Variants in SHLD1 observed in about 807,000 individuals in gnomAD.
The protein encoded by SHLD1 is shieldin complex subunit 1.
A neutral mutation model predicts 5.5 loss-of-function variants in SHLD1; 3 were observed. The observed-to-expected ratio is 0.54, with a 90% CI of 0.25 to 1.40. SHLD1 has a LOEUF of 1.40. Among genes scored for constraint, SHLD1 ranks in the 40% most tolerant of loss-of-function variants. The pLI, the probability that SHLD1 is intolerant of heterozygous loss-of-function variation, is 0.15. For missense variants in SHLD1, 210 were observed against 244.4 expected, an observed-to-expected ratio of 0.86 and a Z score of 0.94; for synonymous variants, 92 against 94.3, an observed-to-expected ratio of 0.98 and a Z score of 0.14.
chr20:5,761,747 A>G (rs1341938390), intron 1 of SHLD1, among the ~76,000 whole-genome samples: 1 of 150,926 alleles, frequency 6.6e-6, no homozygotes, highest in African/African-American at 2.4e-5. Flanking sequence ...AGCTGGGATT[A>G]CAGGTGCACG....
chr20:5,814,521 T>C (rs534574497), intron 2 of SHLD1, among the ~76,000 whole-genome samples: 82 of 152,274 alleles, frequency 5.4e-4, no homozygotes, highest in African/African-American at 1.9e-3. Flanking sequence ...ATTAATTCTT[T>C]TACATAATTC....
intron 2 of SHLD1, among the ~76,000 whole-genome samples, chr20:5,821,694 C>G (rs1043532435): frequency 1.3e-5 from 2 of 152,168 alleles, no homozygotes; most frequent in African/African-American, 4.8e-5. Context: ...GGCTCAGGGT[C>G]TGTCATGAGG....
chr20:5,847,752 G>A (rs2087949316), intron 2 of SHLD1, among the ~76,000 whole-genome samples: 1 of 152,196 alleles, frequency 6.6e-6, no homozygotes, highest in Admixed American at 6.5e-5. Context: ...GCAAAGATGT[G>A]GAGAAACAGG....
intron 1 of SHLD1, among the ~76,000 whole-genome samples, chr20:5,755,358 C>T (rs999923789): frequency 9.9e-5 from 15 of 152,068 alleles, no homozygotes; most frequent in African/African-American, 3.6e-4. Flanking sequence ...AGTGTGAACC[C>T]TATTGTGAAC....
At chr20:5,755,598 T>C (rs577012892) in intron 1 of SHLD1, among the ~76,000 whole-genome samples, 1 of 152,096 alleles carries the variant, frequency 6.6e-6, no homozygotes, top group South Asian at 2.1e-4. Flanking sequence ...TCACTCTTGT[T>C]GCCCAGGCTG....
rs1418269900 is a variant in SHLD1, at chr20:5,773,061, A to C, written c.178+18A>C. ...GGATCCAGGTAATAAGCAGAGTTTA[A>C]AACAAACTAACTTAAAAACAACTAG... is the stretch of plus-strand genomic sequence containing the variant. On this transcript the variant is annotated intron_variant, in intron 2 of 2. Coordinates refer to ENST00000303142, the MANE Select transcript of SHLD1 (RefSeq NM_152504.4). 6 of 1,613,774 alleles carry C rather than the reference A, an allele frequency of 3.7e-6. No individual in the cohort carries two copies. The Admixed American group carries it at 1.0e-4, about 27-fold the overall frequency.
In SHLD1 at chr20:5,863,132, G is replaced by A. The variant is rs773296265; in HGVS notation, c.287G>A (p.Arg96Gln). 2.5e-5 allele frequency: 40 copies of A among 1,614,026 alleles called. No homozygotes were observed. Among genetic ancestry groups the A allele is most frequent in the Middle Eastern group, 1.6e-4 (1 of 6,084 alleles). The change falls in exon 3 of 3, where the codon CGG becomes CAG. Residue 96 changes from arginine to glutamine, a missense_variant. Coordinates refer to ENST00000303142, the MANE Select transcript of SHLD1 (RefSeq NM_152504.4). ...GAGAAGGAAGAGGATGATGGCCTTC[G>A]GAAATCCCTGGATAGATTCTATGAA... Reference protein sequence around the residue: ...QSEKEEDDGLRKSLDRFYEMF... With the variant: ...QSEKEEDDGLQKSLDRFYEMF...
At chr20:5,803,517 T>C (rs1363264561) in intron 2 of SHLD1, among the ~76,000 whole-genome samples, 2 of 151,874 alleles carry the variant, frequency 1.3e-5, no homozygotes, top group Non-Finnish European at 2.9e-5. Flanking sequence ...CTCTCCCAAA[T>C]GTGGGAGCCT....
chr20:5,783,381 A>C (rs188461271), intron 2 of SHLD1, among the ~76,000 whole-genome samples: 1 of 151,824 alleles, frequency 6.6e-6, no homozygotes, highest in Non-Finnish European at 1.5e-5. Context: ...CCGCCACCAC[A>C]CCCGGCTAAT....
chr20:5,862,976 A>C (rs777564276), intron 2 of SHLD1, 48 bp from the exon 3 acceptor site: 4 of 1,496,020 alleles, frequency 2.7e-6, no homozygotes, highest in Non-Finnish European at 3.6e-6. Flanking sequence ...TTGCTTTCTG[A>C]TATTTTTGAT....
chr20:5,785,314 C>T (rs1244298956), intron 2 of SHLD1, among the ~76,000 whole-genome samples: 3 of 152,182 alleles, frequency 2.0e-5, no homozygotes, highest in African/African-American at 7.2e-5. Flanking sequence ...CAGCCACACC[C>T]AAGAAGTAAA....
chr20:5,830,906 C>G (rs1047662566), intron 2 of SHLD1, among the ~76,000 whole-genome samples: 3 of 152,158 alleles, frequency 2.0e-5, no homozygotes, highest in African/African-American at 7.2e-5. Context: ...TGTAACTCAG[C>G]TCCTCTTATT....
intron 1 of SHLD1, among the ~76,000 whole-genome samples, chr20:5,751,362 A>G (rs1416730631): frequency 1.3e-5 from 2 of 152,086 alleles, no homozygotes; most frequent in Non-Finnish European, 2.9e-5. Context: ...GCTGGAGTAT[A>G]GTGGCACGAT....
intron 2 of SHLD1, among the ~76,000 whole-genome samples, chr20:5,812,864 C>CTTTTTA (rs1225117134): frequency 2.6e-5 from 4 of 151,894 alleles, no homozygotes; most frequent in African/African-American, 4.8e-5. Context: ...CTTTAAGGGG[C>CTTTTTA]TTTTTATTTT....
chr20:5,771,099 T>C (rs1476239685), intron 1 of SHLD1, among the ~76,000 whole-genome samples: 1 of 152,206 alleles, frequency 6.6e-6, no homozygotes, highest in Admixed American at 6.5e-5. Context: ...GGTTCTTTGC[T>C]CTGTACACTA....
Position 5,782,083 on chromosome 20 carries a change from C to T in SHLD1, c.178+9040C>T, listed in dbSNP as rs542220288. Among the ~76,000 whole-genome samples the T allele has an allele frequency of 7.9e-5, 12 of 152,286 alleles. No individual in the cohort carries two copies. In the South Asian group the frequency reaches 2.1e-3, roughly 26 times the overall value. ...CCCTCTCTGGAATGTGCCCCCTCCTCCCTGGTCAACTCCAGTCCACTCCAG... is the reference window on the plus strand; with the variant it reads ...CCCTCTCTGGAATGTGCCCCCTCCTTCCTGGTCAACTCCAGTCCACTCCAG... On this transcript the variant is annotated intron_variant, in intron 2 of 2. Coordinates refer to ENST00000303142, the MANE Select transcript of SHLD1 (RefSeq NM_152504.4).
intron 2 of SHLD1, among the ~76,000 whole-genome samples, chr20:5,792,955 A>G (rs6053704): frequency 0.29 from 44,545 of 151,450 alleles, 6,498 homozygotes; most frequent in Middle Eastern, 0.35. Context: ...GATCACAGGC[A>G]TGAGCCACCA....
chr20:5,807,190 A>T (rs984970357), intron 2 of SHLD1, among the ~76,000 whole-genome samples: 1 of 150,902 alleles, frequency 6.6e-6, no homozygotes, highest in African/African-American at 2.5e-5. Context: ...CATCCTAATT[A>T]AAAAAATAAA....
In SHLD1 at chr20:5,778,114, C is replaced by CTTTT. The variant is rs776358532; in HGVS notation, c.178+5088_178+5091dup. Among the ~76,000 whole-genome samples the CTTTT allele has an allele frequency of 4.2e-4, 47 of 111,928 alleles. 1 individual carries two copies. Among genetic ancestry groups the CTTTT allele is most frequent in the Non-Finnish European group, 5.8e-4 (32 of 55,642 alleles). The allele number at this position is 111,928 out of a possible 152,430, so 73.4% of individuals were successfully genotyped here. A position where few individuals can be genotyped will look rare whatever the true frequency, so the allele number is the denominator to read the frequency against. On this transcript the variant is annotated intron_variant, in intron 2 of 2. Coordinates refer to ENST00000303142, the MANE Select transcript of SHLD1 (RefSeq NM_152504.4). ...GGCTGAGGCAGGAGGATCCCTTTTT[C>CTTTT]TTTTTTTTTTTTTTTTTTTTGAGAC...
Sources: allele counts gnomAD v4.1 joint callset (sites outside exome capture counted in the v4.1 genomes callset), GRCh38; gene constraint gnomAD v4.1.1; transcripts MANE v1.5; gene names NCBI Gene and HGNC (gene_info 2026-07-23, HGNC 2026-07-21).